The following STK39 variants were observed in gnomAD, a reference collection of about 807,000 sequenced individuals.
The protein encoded by STK39 is serine/threonine kinase 39.
A neutral mutation model predicts 77.8 loss-of-function variants in STK39; 20 were observed. That is an observed-to-expected ratio of 0.26 (90% CI 0.18 to 0.37). The LOEUF is 0.37. STK39 is among the 10% of genes least tolerant of loss of function. STK39 has a pLI of 1.00. For missense variants in STK39, 479 were observed against 656.5 expected (o/e 0.73, Z 2.95); for synonymous variants, 246 against 234.1 (o/e 1.05, Z -0.47).
intron 12 of STK39, among the ~76,000 whole-genome samples, chr2:168,068,404 T>C (rs1685850867): frequency 6.6e-6 from 1 of 152,208 alleles, no homozygotes; most frequent in Non-Finnish European, 1.5e-5. Flanking sequence ...TATAGCTAAA[T>C]GCAATGTGCT....
chr2:168,111,102 AAAATT>A (rs2105469982), intron 10 of STK39, among the ~76,000 whole-genome samples: 1 of 152,230 alleles, frequency 6.6e-6, no homozygotes, highest in Admixed American at 6.5e-5. Context: ...TATTTTTCTT[AAAATT>A]TATCCATCTT....
chr2:168,247,576 CA>C lies in STK39; in HGVS notation c.-142del. 41 of 645,468 alleles carry C rather than the reference CA, an allele frequency of 6.4e-5. No homozygotes were observed. Among genetic ancestry groups the C allele is most frequent in the Middle Eastern group, 6.5e-4 (1 of 1,532 alleles). The allele number at this position is 645,468 out of a possible 1,614,324, so 40.0% of individuals were successfully genotyped here. ...CCGCCGCCGCCGTCCCCGCCGAAGC[CA>C]GCTAGGAGGGGAGGGAGCAAGGGAG... is the stretch of plus-strand genomic sequence containing the variant. On this transcript the variant is annotated 5_prime_UTR_variant, in exon 1 of 18. Coordinates refer to ENST00000355999, the MANE Select transcript of STK39 (RefSeq NM_013233.3).
At chr2:168,057,394 T>C (rs548956520) in intron 14 of STK39, among the ~76,000 whole-genome samples, 2 of 152,226 alleles carry the variant, frequency 1.3e-5, no homozygotes, top group South Asian at 2.1e-4. Context: ...GGTTTCACCA[T>C]GTTGGCCAGG....
At chr2:168,079,659 T>C (rs1686175393) in intron 10 of STK39, among the ~76,000 whole-genome samples, 1 of 152,174 alleles carries the variant, frequency 6.6e-6, no homozygotes, top group African/African-American at 2.4e-5. Context: ...GGACCCACCC[T>C]AGACCCACAA....
intron 5 of STK39, among the ~76,000 whole-genome samples, chr2:168,150,158 G>A (rs762552618): frequency 3.9e-5 from 6 of 152,214 alleles, no homozygotes; most frequent in Admixed American, 6.5e-5. Context: ...GCACTATGGC[G>A]TGATTCAGTG....
At chr2:168,054,959 C>T (rs1685486520) in intron 14 of STK39, among the ~76,000 whole-genome samples, 2 of 152,158 alleles carry the variant, frequency 1.3e-5, no homozygotes, top group Admixed American at 6.5e-5. Flanking sequence ...GTCACTTGTG[C>T]GGGATCTGAT....
chr2:168,116,430 T>C (rs558093700), intron 10 of STK39, among the ~76,000 whole-genome samples: 2 of 152,224 alleles, frequency 1.3e-5, no homozygotes, highest in Non-Finnish European at 2.9e-5. Flanking sequence ...TATATCAAAG[T>C]GCAACCTTAA....
chr2:168,137,386 A>G (rs555439103), intron 8 of STK39, among the ~76,000 whole-genome samples: 1 of 152,276 alleles, frequency 6.6e-6, no homozygotes, highest in Admixed American at 6.5e-5. Flanking sequence ...ATAATTAACA[A>G]TCTCCTCTAG....
chr2:168,045,875 C>T (rs1685226198), intron 14 of STK39, among the ~76,000 whole-genome samples: 1 of 152,146 alleles, frequency 6.6e-6, no homozygotes, highest in Non-Finnish European at 1.5e-5. Flanking sequence ...ACAGGGAACC[C>T]TCACGAGTTA....
chr2:168,028,451 T>C (rs1684756245), intron 14 of STK39, among the ~76,000 whole-genome samples: 1 of 152,238 alleles, frequency 6.6e-6, no homozygotes. Context: ...GCAGTCCTTT[T>C]CAGCATTTAG....
At chr2:168,229,146 G>A (rs1690382829) in intron 1 of STK39, among the ~76,000 whole-genome samples, 1 of 152,042 alleles carries the variant, frequency 6.6e-6, no homozygotes, top group Admixed American at 6.6e-5. Flanking sequence ...AAGGCGGGTG[G>A]ATCACAAGGT....
At chr2:168,209,215 G>C (rs1689819342) in intron 1 of STK39, among the ~76,000 whole-genome samples, 1 of 152,156 alleles carries the variant, frequency 6.6e-6, no homozygotes, top group African/African-American at 2.4e-5. Flanking sequence ...TGATGATGAT[G>C]AAAGTCTTAA....
chr2:168,240,692 A>T (rs1690736308), intron 1 of STK39, among the ~76,000 whole-genome samples: 1 of 152,260 alleles, frequency 6.6e-6, no homozygotes, highest in Non-Finnish European at 1.5e-5. Flanking sequence ...AACTGTATGA[A>T]GTTCCTGTGA....
intron 16 of STK39, among the ~76,000 whole-genome samples, chr2:167,973,103 G>C (rs921364851): frequency 6.6e-6 from 1 of 152,142 alleles, no homozygotes; most frequent in African/African-American, 2.4e-5. Flanking sequence ...TTATATAAAA[G>C]AGCTCTAATT....
rs1688197531 is a variant in STK39, at chr2:168,148,440, G to A, written c.629-7682C>T. On this transcript the variant is annotated intron_variant, in intron 5 of 17. Coordinates refer to ENST00000355999, the MANE Select transcript of STK39 (RefSeq NM_013233.3). Reference sequence around the variant, plus strand: ...CTTTCTGCTGTCCTGACTCAAAGGAGGCAGAGGGATAACTTAAGTCTTCCA... The same window carrying A: ...CTTTCTGCTGTCCTGACTCAAAGGAAGCAGAGGGATAACTTAAGTCTTCCA... Among the ~76,000 whole-genome samples the A allele has an allele frequency of 2.0e-5, 3 of 152,186 alleles. No homozygotes were observed. The South Asian group carries it at 6.2e-4, about 31-fold the overall frequency.
At chr2:168,012,613 G>A (rs760331274) in intron 16 of STK39, 21 bp downstream of exon 16, 2 of 1,606,838 alleles carry the variant, frequency 1.2e-6, no homozygotes, top group South Asian at 1.1e-5. Context: ...AAATGACAGT[G>A]CATACTAAAA....
At chr2:168,171,552 C>A (rs565860312) in intron 2 of STK39, among the ~76,000 whole-genome samples, 1 of 151,154 alleles carries the variant, frequency 6.6e-6, no homozygotes, top group Non-Finnish European at 1.5e-5. Context: ...ATGGCGCAAT[C>A]ATAGCTCACA....
chr2:168,053,177 C>T (rs930893969), intron 14 of STK39, among the ~76,000 whole-genome samples: 1 of 152,178 alleles, frequency 6.6e-6, no homozygotes, highest in East Asian at 1.9e-4. Context: ...AAACTGGGAA[C>T]TCCCTCAATA....
chr2:168,166,573 G>A lies in STK39; in HGVS notation c.430+726C>T, dbSNP rs893181508. On this transcript the variant is annotated intron_variant, in intron 3 of 17. Coordinates refer to ENST00000355999, the MANE Select transcript of STK39 (RefSeq NM_013233.3). Reference sequence around the variant, plus strand: ...CACATTTAGTGAGCACCTACTGGGCGCCAAGTTCAATGAATTCAAAGTGCA... The same window carrying A: ...CACATTTAGTGAGCACCTACTGGGCACCAAGTTCAATGAATTCAAAGTGCA... 4.6e-5 allele frequency among the ~76,000 whole-genome samples: 7 copies of A among 152,262 alleles called. 1 individual carries two copies. The South Asian group carries it at 8.3e-4, about 18-fold the overall frequency.
Sources: gnomAD v4.1 joint callset for allele counts (sites outside exome capture counted in the v4.1 genomes callset) on GRCh38, gnomAD v4.1.1 for gene constraint, MANE v1.5 for transcripts, NCBI Gene and HGNC (gene_info 2026-07-23, HGNC 2026-07-21) for gene names.